Variants in WDPCP observed in about 807,000 individuals in gnomAD.
WDPCP encodes the protein WD repeat containing planar cell polarity effector.
Under a neutral mutation model 93.1 loss-of-function variants are expected in WDPCP, and 71 were observed. The ratio of observed to expected loss-of-function variants is 0.76; its 90% CI spans 0.63 to 0.93. The LOEUF (loss-of-function observed/expected upper bound fraction) is 0.93, where lower values mean the gene tolerates loss of function less well. Ranked by LOEUF, WDPCP falls within the 40% of genes least tolerant of loss-of-function variation. The pLI, the probability that WDPCP is intolerant of heterozygous loss-of-function variation, is 0.00. For missense variants in WDPCP, 844 were observed against 887.4 expected (o/e 0.95, Z 0.62); for synonymous variants, 315 against 315.0 (o/e 1.00, Z 0.00).
chr2:63,605,672 AT>A, intron 3 of WDPCP: 1 of 585,490 alleles, frequency 1.7e-6, no homozygotes, highest in South Asian at 2.1e-5. Flanking sequence ...GTAGGGGTGA[AT>A]TTTTTTCTTC....
At chr2:63,826,720 T>A (rs906763940) in intron 1 of WDPCP, among the ~76,000 whole-genome samples, 2 of 152,152 alleles carry the variant, frequency 1.3e-5, no homozygotes, top group Admixed American at 6.5e-5. Context: ...CTCCTGATTT[T>A]AAATATTTTG....
At chr2:63,701,000 C>T (rs1157090947) in intron 2 of WDPCP, among the ~76,000 whole-genome samples, 1 of 152,000 alleles carries the variant, frequency 6.6e-6, no homozygotes, top group African/African-American at 2.4e-5. Context: ...CACAGGCAAC[C>T]AAAACAAAAG....
chr2:63,588,136 C>T, intron 1 of WDPCP, 61 bp downstream of exon 1: 3 of 1,539,014 alleles, frequency 1.9e-6, no homozygotes, highest in Non-Finnish European at 2.6e-6. Context: ...GGACGGCGCA[C>T]CAACCGCATT....
At chr2:63,772,538 A>G (rs1670244880) in intron 2 of WDPCP, among the ~76,000 whole-genome samples, 1 of 152,080 alleles carries the variant, frequency 6.6e-6, no homozygotes, top group Non-Finnish European at 1.5e-5. Flanking sequence ...AAACTCCTAA[A>G]CAAAAGATTA....
At chr2:63,458,945 C>A (rs1160417947) in intron 6 of WDPCP, among the ~76,000 whole-genome samples, 2 of 152,244 alleles carry the variant, frequency 1.3e-5, no homozygotes, top group African/African-American at 4.8e-5. Flanking sequence ...GCCAACTGAT[C>A]TTCTCCATAG....
intron 6 of WDPCP, among the ~76,000 whole-genome samples, chr2:63,482,610 A>G (rs913837142): frequency 3.9e-5 from 6 of 152,024 alleles, no homozygotes; most frequent in African/African-American, 1.4e-4. Context: ...GAACCTACAT[A>G]GATTTTTAGA....
intron 17 of WDPCP, among the ~76,000 whole-genome samples, chr2:63,128,148 T>TAATA (rs1277612642): frequency 6.6e-6 from 1 of 151,956 alleles, no homozygotes; most frequent in Non-Finnish European, 1.5e-5. Context: ...CAAAAAAAAT[T>TAATA]AATAAATAAA....
intron 9 of WDPCP, among the ~76,000 whole-genome samples, chr2:63,411,672 C>A (rs1006733750): frequency 1.3e-5 from 2 of 151,886 alleles, no homozygotes; most frequent in African/African-American, 2.4e-5. Context: ...TCCAAATAAC[C>A]TCACTAATAA....
At chr2:63,123,388 C>T (rs556745337) in intron 17 of WDPCP, among the ~76,000 whole-genome samples, 34 of 152,148 alleles carry the variant, frequency 2.2e-4, no homozygotes, top group Middle Eastern at 3.4e-3. Flanking sequence ...TAAGAACTAT[C>T]GTGTCGTTCA....
At chr2:63,485,717 T>C (rs947222847) in intron 4 of WDPCP, among the ~76,000 whole-genome samples, 2 of 151,884 alleles carry the variant, frequency 1.3e-5, no homozygotes, top group Non-Finnish European at 2.9e-5. Context: ...ATGTTAAACA[T>C]GTCTATTTTA....
At chr2:63,631,261 CAG>C (rs924885702) in intron 3 of WDPCP, among the ~76,000 whole-genome samples, 3 of 152,014 alleles carry the variant, frequency 2.0e-5, no homozygotes, top group African/African-American at 7.2e-5. Flanking sequence ...GTCTAGGCAA[CAG>C]AGTGAGACTC....
intron 8 of WDPCP, among the ~76,000 whole-genome samples, chr2:63,435,726 T>C (rs1373609978): frequency 6.6e-6 from 1 of 152,064 alleles, no homozygotes; most frequent in Non-Finnish European, 1.5e-5. Flanking sequence ...AAAATATCCT[T>C]CCAATGGACA....
chr2:63,604,239 A>G (rs1178282501), intron 3 of WDPCP, among the ~76,000 whole-genome samples: 4 of 152,230 alleles, frequency 2.6e-5, no homozygotes, highest in Non-Finnish European at 4.4e-5. Flanking sequence ...TAATTTCTAT[A>G]TGGTATATAA....
chr2:63,728,823 T>C (rs959794357), intron 2 of WDPCP, among the ~76,000 whole-genome samples: 1 of 152,188 alleles, frequency 6.6e-6, no homozygotes, highest in Non-Finnish European at 1.5e-5. Context: ...ATTTTCAATA[T>C]ACAGTCTCAT....
chr2:63,630,531 G>T (rs1709853428), intron 3 of WDPCP, among the ~76,000 whole-genome samples: 1 of 152,000 alleles, frequency 6.6e-6, no homozygotes. Flanking sequence ...GACAGAGAAG[G>T]CCTTTAATGT....
intron 2 of WDPCP, among the ~76,000 whole-genome samples, chr2:63,722,664 G>GGC (rs1553452653): frequency 1.4e-5 from 2 of 141,520 alleles, no homozygotes; most frequent in African/African-American, 5.3e-5. Context: ...AGGTGGGGGG[G>GGC]GGTCAGCCCC....
intron 17 of WDPCP, among the ~76,000 whole-genome samples, chr2:63,146,908 T>A (rs1671555158): frequency 6.6e-6 from 1 of 152,258 alleles, no homozygotes; most frequent in South Asian, 2.1e-4. Context: ...GGATGTTTAC[T>A]GTACCTTCTT....
At chr2:63,524,037 C>T (rs533855966) in intron 1 of WDPCP, among the ~76,000 whole-genome samples, 2 of 152,214 alleles carry the variant, frequency 1.3e-5, no homozygotes, top group East Asian at 3.9e-4. Context: ...GAATAAAATA[C>T]CTAGGAATAA....
intron 10 of WDPCP, among the ~76,000 whole-genome samples, chr2:63,383,549 C>T (rs1692488939): frequency 1.3e-5 from 2 of 152,138 alleles, no homozygotes; most frequent in Admixed American, 1.3e-4. Context: ...ACAGTCTTTA[C>T]TAAAAATACA....
Sources: gnomAD v4.1 joint callset for allele counts (sites outside exome capture counted in the v4.1 genomes callset) on GRCh38, gnomAD v4.1.1 for gene constraint, MANE v1.5 for transcripts, NCBI Gene and HGNC (gene_info 2026-07-23, HGNC 2026-07-21) for gene names.